ADAM22: variants seen among roughly 807,000 people sequenced by gnomAD.
ADAM22 encodes the protein disintegrin and metalloproteinase domain-containing protein 22.
ADAM22 carries 65 observed loss-of-function variants against 144.6 expected under a neutral mutation model. The observed-to-expected ratio is 0.45, with a 90% confidence interval of 0.37 to 0.55. ADAM22 has a LOEUF of 0.55. Among genes scored for constraint, ADAM22 ranks in the 20% least tolerant of loss-of-function variants. The probability of loss-of-function intolerance (pLI) is 0.00; values close to 1 mark genes in which losing one functional copy is unlikely to be tolerated. For missense variants in ADAM22, 974 were observed against 1,184.9 expected, an observed-to-expected ratio of 0.82 and a Z score of 2.61; for synonymous variants, 391 against 412.6, an observed-to-expected ratio of 0.95 and a Z score of 0.63.
intron 14 of ADAM22, among the ~76,000 whole-genome samples, chr7:88,141,863 CT>C (rs938598156): frequency 6.6e-6 from 1 of 152,058 alleles, no homozygotes; most frequent in African/African-American, 2.4e-5. Context: ...CCACAAATAT[CT>C]TTGTTCGTAC....
At chr7:88,052,486 C>A (rs927128231) in intron 3 of ADAM22, among the ~76,000 whole-genome samples, 2 of 150,692 alleles carry the variant, frequency 1.3e-5, no homozygotes, top group Admixed American at 6.6e-5. Context: ...GGTGACAGAG[C>A]GAAACTGCGT....
chr7:87,989,202 C>A (rs1339427313), intron 3 of ADAM22, among the ~76,000 whole-genome samples: 1 of 152,026 alleles, frequency 6.6e-6, no homozygotes, highest in Non-Finnish European at 1.5e-5. Flanking sequence ...TGAATGGGTT[C>A]TTTAATTAAA....
intron 3 of ADAM22, among the ~76,000 whole-genome samples, chr7:88,020,385 G>A (rs1797558756): frequency 6.6e-6 from 1 of 152,196 alleles, no homozygotes; most frequent in South Asian, 2.1e-4. Context: ...TGTTGAGAAG[G>A]GAGGGCTGGT....
At chr7:88,018,285 G>T (rs1232412896) in intron 3 of ADAM22, among the ~76,000 whole-genome samples, 1 of 152,048 alleles carries the variant, frequency 6.6e-6, no homozygotes, top group African/African-American at 2.4e-5. Flanking sequence ...CGTTCTCTTT[G>T]TTGTTTCATG....
rs1361542616 is a variant in ADAM22, at chr7:88,025,699, G to T, written c.323+47287G>T. ...TGTAGATGTATGGATTTGTTTCTTG[G>T]TTCTCTATTTTTTTACATTGGTCTA... On this transcript the variant is annotated intron_variant, in intron 3 of 31. Coordinates refer to ENST00000413139, the MANE Select transcript of ADAM22 (RefSeq NM_001324418.2). Among the ~76,000 whole-genome samples the T allele has an allele frequency of 2.0e-5, 3 of 152,104 alleles. No homozygotes were observed. In the East Asian group the frequency reaches 5.8e-4, roughly 29 times the overall value.
At chr7:88,108,134 C>T in intron 4 of ADAM22, 42 bp from the exon 5 acceptor site, 1 of 1,549,480 alleles carries the variant, frequency 6.5e-7, no homozygotes. Flanking sequence ...AGCTGATTCT[C>T]CTTGTGATGC....
intron 11 of ADAM22, chr7:88,131,699 A>G: frequency 4.0e-6 from 2 of 495,632 alleles, no homozygotes; most frequent in Non-Finnish European, 7.2e-6. Context: ...AAATACTGCT[A>G]ATACTCATAT....
chr7:88,191,040 C>T (rs1849512903), intron 30 of ADAM22, among the ~76,000 whole-genome samples: 1 of 152,204 alleles, frequency 6.6e-6, no homozygotes, highest in Non-Finnish European at 1.5e-5. Context: ...ACCCTTTCCC[C>T]TGCTAAAACT....
intron 7 of ADAM22, among the ~76,000 whole-genome samples, chr7:88,118,072 A>G (rs1828264142): frequency 1.3e-5 from 2 of 152,148 alleles, no homozygotes; most frequent in Non-Finnish European, 2.9e-5. Context: ...TTGTAGATGA[A>G]GAAACAGAGC....
At chr7:88,179,569 G>A (rs1378136667) in intron 27 of ADAM22, among the ~76,000 whole-genome samples, 1 of 151,774 alleles carries the variant, frequency 6.6e-6, no homozygotes, top group African/African-American at 2.4e-5. Flanking sequence ...TTTTTTGGGG[G>A]GTGATTATTT....
intron 3 of ADAM22, among the ~76,000 whole-genome samples, chr7:88,034,210 A>G (rs73706958): frequency 0.03 from 4,514 of 152,166 alleles, 217 homozygotes; most frequent in African/African-American, 0.1. Flanking sequence ...CTGCTTGGCT[A>G]CTGCTGCCGA....
chr7:88,148,947 GT>G lies in ADAM22; in HGVS notation c.1486-27del, dbSNP rs778734318. 2.6e-6 allele frequency: 4 copies of G among 1,563,146 alleles called. No homozygotes were observed. In the South Asian group the frequency reaches 4.6e-5, roughly 18 times the overall value. On this transcript the variant is annotated intron_variant, in intron 17 of 31. Transcript: ENST00000413139. Reference sequence around the variant, plus strand: ...TGTAAGATTTTTTTTTCTCCCTACAGTTTCACACGTTGATTTTTGTTCATTT... The same window carrying G: ...TGTAAGATTTTTTTTTCTCCCTACAGTTCACACGTTGATTTTTGTTCATTT...
chr7:88,089,824 C>G (rs1819385201), intron 4 of ADAM22: 1 of 152,150 alleles, frequency 6.6e-6, no homozygotes, highest in South Asian at 2.1e-4. Context: ...TTCCTTGGCT[C>G]TGTGGAGATG....
At chr7:88,062,084 C>T (rs899708467) in intron 3 of ADAM22, among the ~76,000 whole-genome samples, 2 of 152,056 alleles carry the variant, frequency 1.3e-5, no homozygotes, top group South Asian at 4.1e-4. Flanking sequence ...CTCAAGCCAT[C>T]GTCTTGCCTT....
intron 22 of ADAM22, among the ~76,000 whole-genome samples, chr7:88,161,750 C>T (rs1433602430): frequency 3.9e-5 from 6 of 151,946 alleles, no homozygotes; most frequent in Non-Finnish European, 8.8e-5. Flanking sequence ...AAATAAAAAC[C>T]ACCATAAGAT....
chr7:88,100,597 T>C (rs1169544976), intron 4 of ADAM22, among the ~76,000 whole-genome samples: 1 of 152,212 alleles, frequency 6.6e-6, no homozygotes, highest in South Asian at 2.1e-4. Context: ...TGGTGGATCA[T>C]CTTTAACATA....
intron 3 of ADAM22, among the ~76,000 whole-genome samples, chr7:88,070,757 G>A (rs1034169536): frequency 1.3e-5 from 2 of 152,150 alleles, no homozygotes; most frequent in Admixed American, 6.5e-5. Flanking sequence ...TTGAATTTGA[G>A]ATGCCTATTT....
chr7:88,000,847 T>TA (rs1381063295), intron 3 of ADAM22, among the ~76,000 whole-genome samples: 1 of 152,178 alleles, frequency 6.6e-6, no homozygotes, highest in African/African-American at 2.4e-5. Flanking sequence ...ACTTATATGC[T>TA]AGGAAGTAAA....
intron 2 of ADAM22, among the ~76,000 whole-genome samples, chr7:87,944,339 T>G (rs191495930): frequency 5.0e-4 from 76 of 152,286 alleles, no homozygotes; most frequent in South Asian, 4.6e-3. Flanking sequence ...TCTGTGTGGT[T>G]TTCTTTCTTT....
Sources: allele counts gnomAD v4.1 joint callset (sites outside exome capture counted in the v4.1 genomes callset), GRCh38; gene constraint gnomAD v4.1.1; transcripts MANE v1.5; gene names NCBI Gene and HGNC (gene_info 2026-07-23, HGNC 2026-07-21).